The following ZEB1 variants were observed in gnomAD, a reference collection of about 807,000 sequenced individuals.
ZEB1 encodes zinc finger E-box-binding homeobox 1.
ZEB1 carries 21 observed loss-of-function variants against 84.9 expected under a neutral mutation model. That is an observed-to-expected ratio of 0.25 (90% CI 0.18 to 0.36). The LOEUF (loss-of-function observed/expected upper bound fraction) is 0.36. Ranked by LOEUF, ZEB1 falls within the 10% of genes least tolerant of loss-of-function variation. The pLI is 1.00. For synonymous variants in ZEB1, 420 were observed against 471.1 expected (o/e 0.89, Z 1.41); for missense variants, 1,104 against 1,330.2 (o/e 0.83, Z 2.65).
chr10:31,479,188 C>G (rs544189728), intron 2 of ZEB1, among the ~76,000 whole-genome samples: 1 of 151,626 alleles, frequency 6.6e-6, no homozygotes, highest in Admixed American at 6.6e-5. Flanking sequence ...CCAAGATATA[C>G]CATGAAGAAA....
In ZEB1 at chr10:31,495,843, T is replaced by C; in HGVS notation, c.322+5T>C. On this transcript the variant is annotated splice_donor_5th_base_variant and intron_variant, in intron 3 of 8. Transcript: ENST00000424869. Reference sequence around the variant, plus strand: ...CAGATGAAGCAGGATGTACAGGTACTCTGCTGCGACTTTCTTTCATACCAT... The same window carrying C: ...CAGATGAAGCAGGATGTACAGGTACCCTGCTGCGACTTTCTTTCATACCAT... 2 of 1,612,924 alleles carry C rather than the reference T, an allele frequency of 1.2e-6. No homozygotes were observed. The highest frequency in any genetic ancestry group is 1.7e-6 in the Non-Finnish European group (2 of 1,179,070).
chr10:31,318,799 G>C (rs1016031082), upstream of ZEB1: 5 of 248,726 alleles, frequency 2.0e-5, no homozygotes, highest in Admixed American at 4.7e-5. Flanking sequence ...GAGGGCACAG[G>C]GTACAGGGAG....
chr10:31,498,790 TTG>T (rs1186410153), intron 3 of ZEB1, among the ~76,000 whole-genome samples: 2 of 151,986 alleles, frequency 1.3e-5, no homozygotes, highest in African/African-American at 2.4e-5. Context: ...TTAAGAAATG[TTG>T]TGTCATAATA....
At chr10:31,335,569 G>A (rs751373994) in intron 1 of ZEB1, among the ~76,000 whole-genome samples, 1 of 152,186 alleles carries the variant, frequency 6.6e-6, no homozygotes, top group Non-Finnish European at 1.5e-5. Context: ...AGATCCATCT[G>A]TGATAAAACT....
intron 2 of ZEB1, among the ~76,000 whole-genome samples, chr10:31,492,135 C>T (rs966280144): frequency 5.9e-5 from 9 of 151,824 alleles, no homozygotes; most frequent in South Asian, 2.1e-4. Context: ...GACTGGGTAA[C>T]GGCTTTCTAG....
chr10:31,361,884 G>A (rs573096275), intron 1 of ZEB1, among the ~76,000 whole-genome samples: 12 of 147,476 alleles, frequency 8.1e-5, no homozygotes, highest in South Asian at 6.5e-4. Flanking sequence ...ACGGGACGGC[G>A]GCAAGGCAGG....
At chr10:31,392,922 C>T (rs1466102757) in intron 1 of ZEB1, among the ~76,000 whole-genome samples, 1 of 152,118 alleles carries the variant, frequency 6.6e-6, no homozygotes, top group East Asian at 1.9e-4. Context: ...GGAGCCTCGA[C>T]CTCTGAGGCT....
At chr10:31,500,609 C>G (rs556934292) in intron 3 of ZEB1, among the ~76,000 whole-genome samples, 29 of 152,258 alleles carry the variant, frequency 1.9e-4, no homozygotes, top group African/African-American at 6.5e-4. Flanking sequence ...AACTTTACTC[C>G]TTTGGCACCC....
chr10:31,350,845 G>GA (rs1260448300), intron 1 of ZEB1, among the ~76,000 whole-genome samples: 1 of 152,052 alleles, frequency 6.6e-6, no homozygotes, highest in Non-Finnish European at 1.5e-5. Context: ...TTTTCAAGTG[G>GA]AAAAAATTAC....
At chr10:31,427,728 G>A (rs161261) in intron 1 of ZEB1, among the ~76,000 whole-genome samples, 7,199 of 152,016 alleles carry the variant, frequency 0.047, 181 homozygotes, top group South Asian at 0.062. Context: ...GCGTGGTGGC[G>A]GGCGCCTGTA....
chr10:31,328,951 A>G (rs750817809), intron 1 of ZEB1, among the ~76,000 whole-genome samples: 1 of 152,048 alleles, frequency 6.6e-6, no homozygotes, highest in Non-Finnish European at 1.5e-5. Context: ...TTCCTATGGT[A>G]TAGATCAGGA....
chr10:31,352,908 C>A (rs1236077033), intron 1 of ZEB1, among the ~76,000 whole-genome samples: 2 of 152,228 alleles, frequency 1.3e-5, no homozygotes, highest in African/African-American at 4.8e-5. Flanking sequence ...CAAGATTACA[C>A]TGTAGAAGAG....
chr10:31,500,390 G>C (rs1286769361), intron 3 of ZEB1, among the ~76,000 whole-genome samples: 1 of 151,938 alleles, frequency 6.6e-6, no homozygotes, highest in Non-Finnish European at 1.5e-5. Context: ...TAAATAATAG[G>C]GAGGTCATTA....
At chr10:31,442,171 G>C (rs1479598215) in intron 1 of ZEB1, among the ~76,000 whole-genome samples, 1 of 152,128 alleles carries the variant, frequency 6.6e-6, no homozygotes, top group African/African-American at 2.4e-5. Flanking sequence ...ATGTCCATCA[G>C]TGATAGACTG....
intron 1 of ZEB1, among the ~76,000 whole-genome samples, chr10:31,424,332 G>A (rs553223097): frequency 6.6e-6 from 1 of 151,840 alleles, no homozygotes; most frequent in East Asian, 1.9e-4. Context: ...ACTATATCAT[G>A]AATAATGCCC....
intron 1 of ZEB1, among the ~76,000 whole-genome samples, chr10:31,457,032 A>AT (rs759340366): frequency 1.6e-4 from 24 of 152,152 alleles, no homozygotes; most frequent in Non-Finnish European, 3.2e-4. Context: ...TTAAATTCAT[A>AT]TTATCTAAAG....
At chr10:31,372,257 A>T (rs1291276771) in intron 1 of ZEB1, among the ~76,000 whole-genome samples, 2 of 152,110 alleles carry the variant, frequency 1.3e-5, no homozygotes, top group Non-Finnish European at 2.9e-5. Context: ...ATTGTCAATA[A>T]CTATTGAAAT....
chr10:31,430,462 C>G (rs919373141), intron 1 of ZEB1, among the ~76,000 whole-genome samples: 3 of 152,190 alleles, frequency 2.0e-5, no homozygotes, highest in Admixed American at 1.3e-4. Flanking sequence ...TCTTAGACTG[C>G]CACTACCTGC....
intron 1 of ZEB1, among the ~76,000 whole-genome samples, chr10:31,326,953 T>G (rs1375115303): frequency 1.3e-5 from 2 of 152,138 alleles, no homozygotes; most frequent in Non-Finnish European, 2.9e-5. Flanking sequence ...CTTCCTACCT[T>G]GGACCCAATC....
Sources: gnomAD v4.1 joint callset for allele counts (sites outside exome capture counted in the v4.1 genomes callset) on GRCh38, gnomAD v4.1.1 for gene constraint, MANE v1.5 for transcripts, NCBI Gene and HGNC (gene_info 2026-07-23, HGNC 2026-07-21) for gene names.